Variants in PTPRD observed in about 807,000 individuals in gnomAD.
PTPRD encodes the protein receptor-type tyrosine-protein phosphatase delta.
PTPRD carries 34 observed loss-of-function variants against 214.5 expected under a neutral mutation model. The observed-to-expected ratio is 0.16, with a 90% CI of 0.12 to 0.21. PTPRD has a LOEUF of 0.21. Among genes scored for constraint, PTPRD ranks in the 10% least tolerant of loss-of-function variants. The pLI is 1.00. For synonymous variants in PTPRD, 1,128 were observed against 845.7 expected (o/e 1.33, Z -5.79); for missense variants, 2,545 against 2,398.7 (o/e 1.06, Z -1.27).
At chr9:8,641,344 A>G (rs988474826) in intron 12 of PTPRD, among the ~76,000 whole-genome samples, 3 of 148,444 alleles carry the variant, frequency 2.0e-5, no homozygotes, top group Non-Finnish European at 2.9e-5. Flanking sequence ...GATGGGGAGA[A>G]AGGCATTAGA....
intron 5 of PTPRD, among the ~76,000 whole-genome samples, chr9:9,878,198 A>G (rs775988315): frequency 2.0e-4 from 30 of 152,222 alleles, no homozygotes; most frequent in Non-Finnish European, 3.4e-4. Flanking sequence ...ATACTACACA[A>G]AATACCTGAG....
chr9:8,678,240 C>A (rs576892558), intron 12 of PTPRD, among the ~76,000 whole-genome samples: 1 of 152,148 alleles, frequency 6.6e-6, no homozygotes, highest in East Asian at 1.9e-4. Flanking sequence ...AGGCTCCACA[C>A]CACCCTCACT....
chr9:9,771,055 A>G (rs2098748056), intron 5 of PTPRD, among the ~76,000 whole-genome samples: 1 of 152,216 alleles, frequency 6.6e-6, no homozygotes, highest in Non-Finnish European at 1.5e-5. Flanking sequence ...TCACCAGAGC[A>G]GAATCACTAT....
chr9:10,373,681 C>T (rs1383295141), intron 2 of PTPRD, among the ~76,000 whole-genome samples: 3 of 152,008 alleles, frequency 2.0e-5, no homozygotes, highest in Non-Finnish European at 1.5e-5. Flanking sequence ...TCTCTTTTTT[C>T]ACTCTTTCTC....
chr9:8,694,185 C>A (rs2097861750), intron 12 of PTPRD, among the ~76,000 whole-genome samples: 1 of 152,008 alleles, frequency 6.6e-6, no homozygotes. Context: ...ATTTTTAAAT[C>A]TGAATGAAAT....
Position 10,060,795 on chromosome 9 carries a change from TCTTTCTTC to T in PTPRD, c.-544-27013_-544-27006del, listed in dbSNP as rs1343933910. 1.7e-4 allele frequency among the ~76,000 whole-genome samples: 22 copies of T among 127,222 alleles called. 1 individual carries two copies. Among genetic ancestry groups the T allele is most frequent in the Non-Finnish European group, 2.2e-4 (15 of 66,772 alleles). 83.5% of individuals were successfully genotyped at this position (127,222 alleles called of 152,430 possible). On this transcript the variant is annotated intron_variant, in intron 3 of 45. Coordinates refer to ENST00000381196, the MANE Select transcript of PTPRD (RefSeq NM_002839.4). ...TCTTGCTTTTCTTTCTTTCTTTCTTTCTTTCTTCCTTTCTTTCTTTCTTTCTTTCTTTC... is the reference window on the plus strand; with the variant it reads ...TCTTGCTTTTCTTTCTTTCTTTCTTTCTTTCTTTCTTTCTTTCTTTCTTTC...
At chr9:9,094,806 A>T (rs1001002895) in intron 10 of PTPRD, among the ~76,000 whole-genome samples, 5 of 152,308 alleles carry the variant, frequency 3.3e-5, no homozygotes, top group African/African-American at 1.2e-4. Context: ...CAAAAAGCAG[A>T]AGAGGAGGGA....
chr9:8,712,531 C>T (rs1159188595), intron 12 of PTPRD, among the ~76,000 whole-genome samples: 1 of 151,802 alleles, frequency 6.6e-6, no homozygotes, highest in Non-Finnish European at 1.5e-5. Context: ...ACAGATACTG[C>T]CTCCAGGATC....
chr9:10,449,829 G>A (rs1479218172), intron 2 of PTPRD, among the ~76,000 whole-genome samples: 4 of 150,768 alleles, frequency 2.7e-5, no homozygotes, highest in African/African-American at 7.4e-5. Flanking sequence ...AAGAAAGAGA[G>A]ATCAGATTGT....
At chr9:10,511,987 TAC>T (rs71332750) in intron 2 of PTPRD, among the ~76,000 whole-genome samples, 1,064 of 93,804 alleles carry the variant, frequency 0.011, 26 homozygotes, top group Middle Eastern at 0.058. Flanking sequence ...TATATATATA[TAC>T]GTGTGTGTAT....
intron 8 of PTPRD, among the ~76,000 whole-genome samples, chr9:9,547,535 AC>A (rs1344624363): frequency 2.6e-5 from 4 of 152,008 alleles, no homozygotes; most frequent in African/African-American, 7.2e-5. Flanking sequence ...CTGTTTGAGG[AC>A]TAAATGCATG....
At chr9:9,182,069 C>CT (rs2099928531) in intron 10 of PTPRD, among the ~76,000 whole-genome samples, 2 of 151,978 alleles carry the variant, frequency 1.3e-5, no homozygotes, top group East Asian at 3.9e-4. Flanking sequence ...TCCAAGAAAG[C>CT]TTTTTGGGGA....
chr9:9,930,291 ATAAG>A (rs2086004153), intron 5 of PTPRD, among the ~76,000 whole-genome samples: 1 of 152,224 alleles, frequency 6.6e-6, no homozygotes, highest in Non-Finnish European at 1.5e-5. Flanking sequence ...AGCCATGGAC[ATAAG>A]TGAGATCATT....
At chr9:10,002,829 C>A (rs1333963139) in intron 4 of PTPRD, among the ~76,000 whole-genome samples, 2 of 151,206 alleles carry the variant, frequency 1.3e-5, no homozygotes, top group Non-Finnish European at 3.0e-5. Flanking sequence ...CGAAATAGAC[C>A]TAATGAAAAT....
intron 2 of PTPRD, among the ~76,000 whole-genome samples, chr9:10,410,043 G>A (rs192032780): frequency 1.0e-3 from 158 of 151,562 alleles, no homozygotes; most frequent in African/African-American, 3.6e-3. Context: ...ATCAAGCCAC[G>A]AATTCTTGGG....
chr9:8,833,709 T>C (rs879598898), intron 11 of PTPRD, among the ~76,000 whole-genome samples: 16,306 of 134,870 alleles, frequency 0.12, 986 homozygotes, highest in South Asian at 0.16. Flanking sequence ...TCTATATATA[T>C]ATATATACAC....
intron 10 of PTPRD, among the ~76,000 whole-genome samples, chr9:9,048,446 T>C (rs950521087): frequency 6.6e-6 from 1 of 152,152 alleles, no homozygotes; most frequent in African/African-American, 2.4e-5. Context: ...ATGTAAGACA[T>C]ACACACAATG....
At chr9:9,770,336 AT>A (rs1254006663) in intron 5 of PTPRD, among the ~76,000 whole-genome samples, 1 of 152,194 alleles carries the variant, frequency 6.6e-6, no homozygotes, top group African/African-American at 2.4e-5. Context: ...TTACATCACA[AT>A]TTAACAAGTA....
intron 7 of PTPRD, among the ~76,000 whole-genome samples, chr9:9,635,370 A>G (rs2095729134): frequency 6.6e-6 from 1 of 152,156 alleles, no homozygotes; most frequent in Non-Finnish European, 1.5e-5. Flanking sequence ...CAGGGTAGGT[A>G]GCATATTCCT....
Sources: allele counts gnomAD v4.1 joint callset (sites outside exome capture counted in the v4.1 genomes callset), GRCh38; gene constraint gnomAD v4.1.1; transcripts MANE v1.5; gene names NCBI Gene and HGNC (gene_info 2026-07-23, HGNC 2026-07-21).